The following ZNF717 variants were observed in gnomAD, a reference collection of about 807,000 sequenced individuals.
ZNF717 encodes the protein zinc finger protein 717.
A neutral mutation model predicts 13.8 loss-of-function variants in ZNF717; 9 were observed. The ratio of observed to expected loss-of-function variants is 0.65; its 90% CI spans 0.39 to 1.14. ZNF717 has a LOEUF of 1.14. Ranked by LOEUF, ZNF717 falls within the 50% of genes most tolerant of loss-of-function variation. ZNF717 has a pLI of 0.01. For missense variants in ZNF717, 1,040 were observed against 1,080.7 expected, an observed-to-expected ratio of 0.96 and a Z score of 0.53; for synonymous variants, 327 against 364.1, an observed-to-expected ratio of 0.90 and a Z score of 1.16.
chr3:75,731,324 C>T (rs1399164032), downstream of ZNF717, among the ~76,000 whole-genome samples: 1 of 152,140 alleles, frequency 6.6e-6, no homozygotes, highest in Non-Finnish European at 1.5e-5. Flanking sequence ...TTGCAGTGAG[C>T]CAAGATCATG....
chr3:75,758,890 C>G (rs561600937), intron 2 of ZNF717, among the ~76,000 whole-genome samples: 6 of 152,114 alleles, frequency 3.9e-5, no homozygotes, highest in Non-Finnish European at 8.8e-5. Context: ...GTAGTCCCAG[C>G]TAGTCAGGAG....
Position 75,741,861 on chromosome 3 carries a change from A to C in ZNF717, c.58-125T>G. 14 of 1,307,474 alleles carry C rather than the reference A, an allele frequency of 1.1e-5. No individual in the cohort carries two copies. The South Asian group carries it at 2.2e-4, about 20-fold the overall frequency. 81.0% of individuals were successfully genotyped at this position (1,307,474 alleles called of 1,614,324 possible). ...CACAGCCACATCTTCAAAGGACACC[A>C]ACCCCTGTAATGGCACATTTTTCCT... is the stretch of plus-strand genomic sequence containing the variant. On this transcript the variant is annotated intron_variant, in intron 2 of 4. Transcript: ENST00000652011.
rs78892989 is a variant in ZNF717, at chr3:75,723,758, T to C, written n.545-7217A>G. 2.7e-3 allele frequency among the ~76,000 whole-genome samples: 406 copies of C among 152,266 alleles called. 6 individuals are homozygous for C. The East Asian group carries it at 0.069, about 26-fold the overall frequency. ...ACGCCTGTTACTGAGCAGACCTTGG[T>C]CTAGCGGTAGCTCTAGTGCCTGGGA... On this transcript the variant is annotated intron_variant and non_coding_transcript_variant, in intron 4 of 5. Coordinates refer to the ZNF717 transcript ENST00000491507.
At chr3:75,768,468 C>T (rs1251267334) in intron 2 of ZNF717, among the ~76,000 whole-genome samples, 1 of 149,358 alleles carries the variant, frequency 6.7e-6, no homozygotes, top group Non-Finnish European at 1.5e-5. Context: ...TCAGTTCTCA[C>T]TGTGGTTGAG....
intron 2 of ZNF717, 132 bp downstream of exon 2, chr3:75,783,174 C>T (rs1189120361): frequency 1.4e-6 from 1 of 732,780 alleles, no homozygotes; most frequent in African/African-American, 1.8e-5. Flanking sequence ...TACAGGTCAG[C>T]TTTATCTTAT....
chr3:75,707,646 TGA>T (rs1206942729), downstream of ZNF717, among the ~76,000 whole-genome samples: 1 of 151,924 alleles, frequency 6.6e-6, no homozygotes, highest in East Asian at 1.9e-4. Flanking sequence ...CAAAGCAGAG[TGA>T]GGCATTGCCT....
intron 2 of ZNF717, among the ~76,000 whole-genome samples, chr3:75,749,822 T>C (rs1206571940): frequency 2.6e-5 from 4 of 151,902 alleles, no homozygotes; most frequent in Non-Finnish European, 4.4e-5. Context: ...TGCTGTGGTC[T>C]GAATGTCTGT....
chr3:75,703,542 T>TAAATAAATAAATAAATAAATA (rs1553651651), intron 6 of ZNF717, among the ~76,000 whole-genome samples: 1 of 148,028 alleles, frequency 6.8e-6, no homozygotes, highest in African/African-American at 2.5e-5. Context: ...ATAATAATAA[T>TAAATAAATAAATAAATAAATA]AATAAATAAA....
chr3:75,771,285 C>T (rs1200857442), intron 2 of ZNF717, among the ~76,000 whole-genome samples: 1 of 151,632 alleles, frequency 6.6e-6, no homozygotes, highest in Non-Finnish European at 1.5e-5. Context: ...GGACCTCACT[C>T]CTCACTTCAG....
chr3:75,740,720 A>G, intron 4 of ZNF717, among the ~76,000 whole-genome samples: 1 of 152,170 alleles, frequency 6.6e-6, no homozygotes, highest in Admixed American at 6.6e-5. Context: ...AGTCCTAGCT[A>G]CTTGGGAGGC....
At chr3:75,751,874 C>T (rs1575838681) in intron 2 of ZNF717, among the ~76,000 whole-genome samples, 1 of 151,414 alleles carries the variant, frequency 6.6e-6, no homozygotes, top group South Asian at 2.1e-4. Context: ...AACACTACTA[C>T]GATGGTATGA....
At chr3:75,773,198 G>GA (rs996801764) in intron 2 of ZNF717, among the ~76,000 whole-genome samples, 331 of 142,870 alleles carry the variant, frequency 2.3e-3, no homozygotes, top group African/African-American at 7.1e-3. Flanking sequence ...GCTTAGGTAG[G>GA]AAAAAAAAAA....
At chr3:75,734,817 ATTTTTT>A (rs545474632), downstream of ZNF717, among the ~76,000 whole-genome samples, 1,004 of 56,906 alleles carry the variant, frequency 0.018, 4 homozygotes, top group Middle Eastern at 0.044. Context: ...ATATATATAT[ATTTTTT>A]TTTTTTTTTT....
At chr3:75,759,184 CA>C (rs1206274785) in intron 2 of ZNF717, among the ~76,000 whole-genome samples, 1 of 151,928 alleles carries the variant, frequency 6.6e-6, no homozygotes, top group Admixed American at 6.5e-5. Flanking sequence ...GGTCTGGAAC[CA>C]AACCCACATA....
chr3:75,697,643 CT>C (rs1937618098), intron 6 of ZNF717, among the ~76,000 whole-genome samples: 4 of 152,286 alleles, frequency 2.6e-5, no homozygotes, highest in African/African-American at 9.6e-5. Context: ...CCAGGAGCCA[CT>C]TAAACCTCCT....
At chr3:75,784,089 C>T (rs1026259361) in intron 1 of ZNF717, among the ~76,000 whole-genome samples, 14 of 152,132 alleles carry the variant, frequency 9.2e-5, no homozygotes, top group African/African-American at 3.1e-4. Context: ...CTGGAGCTAC[C>T]CTGGTGGAGA....
intron 2 of ZNF717, among the ~76,000 whole-genome samples, chr3:75,770,422 T>C (rs770188390): frequency 5.3e-5 from 8 of 152,102 alleles, no homozygotes; most frequent in Non-Finnish European, 1.2e-4. Flanking sequence ...TAGCTGGGCG[T>C]GGTGGCACAT....
intron 2 of ZNF717, among the ~76,000 whole-genome samples, chr3:75,744,157 A>G (rs1305583313): frequency 1.3e-5 from 2 of 152,258 alleles, no homozygotes; most frequent in Non-Finnish European, 2.9e-5. Flanking sequence ...CGAATAAAGA[A>G]AAGTTCAATA....
In ZNF717 at chr3:75,736,724, CA is replaced by C; in HGVS notation, c.*153del. On this transcript the variant is annotated 3_prime_UTR_variant, in exon 5 of 5. Coordinates refer to ENST00000652011, the MANE Select transcript of ZNF717 (RefSeq NM_001290208.3). ...GCAAAGTGTGCTGTAAAAATGGGAA[CA>C]ACAAAGCCTGCATGATAGGACTTCT... 1 of 762,312 alleles carries C rather than the reference CA, an allele frequency of 1.3e-6. No homozygotes were observed. Among genetic ancestry groups the C allele is most frequent in the Non-Finnish European group, 2.0e-6 (1 of 496,994 alleles). The allele number at this position is 762,312 out of a possible 1,614,324, so 47.2% of individuals were successfully genotyped here.
Sources: gnomAD v4.1 joint callset for allele counts (sites outside exome capture counted in the v4.1 genomes callset) on GRCh38, gnomAD v4.1.1 for gene constraint, MANE v1.5 for transcripts, NCBI Gene and HGNC (gene_info 2026-07-23, HGNC 2026-07-21) for gene names.